Variants in C10orf90 observed in about 807,000 individuals in gnomAD.
C10orf90 encodes the protein (E2-independent) E3 ubiquitin-conjugating enzyme FATS.
Under a neutral mutation model 62.5 loss-of-function variants are expected in C10orf90, and 56 were observed. The ratio of observed to expected loss-of-function variants is 0.90; its 90% confidence interval spans 0.72 to 1.12. The LOEUF is 1.12. Among genes scored for constraint, C10orf90 ranks in the 50% most tolerant of loss-of-function variants. The probability of loss-of-function intolerance (pLI) is 0.00; values close to 1 mark genes in which losing one functional copy is unlikely to be tolerated. For synonymous variants in C10orf90, 386 were observed against 340.4 expected (o/e 1.13, Z -1.47); for missense variants, 970 against 880.4 (o/e 1.10, Z -1.29).
chr10:126,441,509 A>G (rs1858327167), intron 7 of C10orf90, among the ~76,000 whole-genome samples: 1 of 152,188 alleles, frequency 6.6e-6, no homozygotes, highest in Non-Finnish European at 1.5e-5. Flanking sequence ...AGACCTAGAC[A>G]TCCAAGTGCA....
At chr10:126,503,445 C>G (rs934566989) in intron 4 of C10orf90, among the ~76,000 whole-genome samples, 2 of 152,192 alleles carry the variant, frequency 1.3e-5, no homozygotes, top group Non-Finnish European at 2.9e-5. Flanking sequence ...CACGCACACA[C>G]GCACACATTC....
chr10:126,569,131 G>A (rs960744454), intron 2 of C10orf90, among the ~76,000 whole-genome samples: 2 of 152,108 alleles, frequency 1.3e-5, no homozygotes, highest in Non-Finnish European at 2.9e-5. Context: ...AGTAGTGGGG[G>A]GTTTCAGGGA....
At chr10:126,501,773 G>C (rs755308505) in intron 4 of C10orf90, among the ~76,000 whole-genome samples, 6 of 152,110 alleles carry the variant, frequency 3.9e-5, no homozygotes, top group Non-Finnish European at 7.4e-5. Flanking sequence ...CAGCAACTTG[G>C]TTGAAGCTGG....
chr10:126,495,732 A>G (rs1192440117), intron 4 of C10orf90, among the ~76,000 whole-genome samples: 1 of 152,160 alleles, frequency 6.6e-6, no homozygotes, highest in Non-Finnish European at 1.5e-5. Flanking sequence ...AATGAAACAC[A>G]TCATCTATTT....
chr10:126,610,129 T>A (rs1845401522), intron 2 of C10orf90, among the ~76,000 whole-genome samples: 1 of 152,182 alleles, frequency 6.6e-6, no homozygotes, highest in African/African-American at 2.4e-5. Context: ...ATCCACTTCA[T>A]CCTTCACAGG....
intron 2 of C10orf90, among the ~76,000 whole-genome samples, chr10:126,536,800 C>G (rs1011932247): frequency 3.9e-5 from 6 of 152,204 alleles, no homozygotes; most frequent in Non-Finnish European, 8.8e-5. Context: ...GACCTGGCCA[C>G]ACAAGGAGGC....
intron 2 of C10orf90, among the ~76,000 whole-genome samples, chr10:126,562,133 C>T (rs1864915685): frequency 1.3e-5 from 2 of 152,156 alleles, no homozygotes; most frequent in African/African-American, 2.4e-5. Context: ...TTCCTGCCGG[C>T]GTTAGTTTAT....
chr10:126,605,904 C>A (rs1020053576), intron 2 of C10orf90, among the ~76,000 whole-genome samples: 6 of 151,994 alleles, frequency 3.9e-5, no homozygotes, highest in Non-Finnish European at 2.9e-5. Context: ...TACATACATA[C>A]ATACATACAT....
intron 2 of C10orf90, among the ~76,000 whole-genome samples, chr10:126,567,804 G>GC (rs902952016): frequency 6.6e-6 from 1 of 152,138 alleles, no homozygotes; most frequent in South Asian, 2.1e-4. Context: ...GGGGGATGGT[G>GC]CCCCCTCTGA....
At chr10:126,640,080 C>T (rs1846030063) in intron 2 of C10orf90, among the ~76,000 whole-genome samples, 2 of 152,240 alleles carry the variant, frequency 1.3e-5, no homozygotes, top group Non-Finnish European at 2.9e-5. Context: ...AATGCATCCT[C>T]TTATGGCCTC....
At chr10:126,582,975 T>A (rs1260007424) in intron 2 of C10orf90, among the ~76,000 whole-genome samples, 1 of 152,218 alleles carries the variant, frequency 6.6e-6, no homozygotes, top group Non-Finnish European at 1.5e-5. Flanking sequence ...TTGGCACTAT[T>A]GATATTTGGT....
In C10orf90 at chr10:126,456,297, C is replaced by A. The variant is rs1325806668; in HGVS notation, c.2188+2743G>T. Among the ~76,000 whole-genome samples the A allele has an allele frequency of 2.0e-5, 3 of 152,052 alleles. No individual in the cohort carries two copies. Among genetic ancestry groups the A allele is most frequent in the African/African-American group, 7.2e-5 (3 of 41,412 alleles). ...TTTCACTGACCTAACACAAACGAACCCAAAAGTAAAGCTCTCATCGACACA... is the reference window on the plus strand; with the variant it reads ...TTTCACTGACCTAACACAAACGAACACAAAAGTAAAGCTCTCATCGACACA... On this transcript the variant is annotated intron_variant, in intron 7 of 9. Transcript: ENST00000488181. The surrounding 1 kb of genome is among the most constrained non-coding windows in gnomAD (Gnocchi z 4.9).
chr10:126,455,710 C>T (rs1281098446), intron 7 of C10orf90, among the ~76,000 whole-genome samples: 4 of 152,166 alleles, frequency 2.6e-5, no homozygotes, highest in Admixed American at 2.6e-4. Flanking sequence ...GTAGCTATGA[C>T]CTTGATGATG....
chr10:126,484,811 C>G (rs1266666694), intron 4 of C10orf90, among the ~76,000 whole-genome samples: 1 of 152,122 alleles, frequency 6.6e-6, no homozygotes, highest in Non-Finnish European at 1.5e-5. Context: ...AGGAATCAAG[C>G]TAAATACCCA....
intron 2 of C10orf90, among the ~76,000 whole-genome samples, chr10:126,517,816 A>T (rs1863521520): frequency 6.6e-6 from 1 of 150,566 alleles, no homozygotes; most frequent in African/African-American, 2.4e-5. Context: ...AGGCTGAGGC[A>T]GGAGAATCGC....
At chr10:126,631,596 G>T (rs1845851196) in intron 2 of C10orf90, among the ~76,000 whole-genome samples, 1 of 151,932 alleles carries the variant, frequency 6.6e-6, no homozygotes, top group Admixed American at 6.6e-5. Context: ...GCTCAGCATT[G>T]CATGCTCAGT....
chr10:126,515,922 C>A (rs540880943), intron 2 of C10orf90, among the ~76,000 whole-genome samples: 1 of 152,194 alleles, frequency 6.6e-6, no homozygotes, highest in Non-Finnish European at 1.5e-5. Flanking sequence ...TCCAAGATGA[C>A]GTGCACAGAT....
In C10orf90 at chr10:126,453,167, C is replaced by T. The variant is rs1019458873; in HGVS notation, c.2188+5873G>A. ...TTCCAGAGAATTCCATTCCTCTACTCGTGCATGATTTGAATGGCTCTGACT... is the reference window on the plus strand; with the variant it reads ...TTCCAGAGAATTCCATTCCTCTACTTGTGCATGATTTGAATGGCTCTGACT... On this transcript the variant is annotated intron_variant, in intron 7 of 9. Transcript: ENST00000488181. The surrounding 1 kb of genome is among the most constrained non-coding windows in gnomAD (Gnocchi z 4.9). 3.3e-5 allele frequency among the ~76,000 whole-genome samples: 5 copies of T among 152,162 alleles called. No individual in the cohort carries two copies. The highest frequency in any genetic ancestry group is 5.9e-5 in the Non-Finnish European group (4 of 68,026).
At chr10:126,470,540 G>A (rs559063371) in intron 4 of C10orf90, among the ~76,000 whole-genome samples, 2 of 152,010 alleles carry the variant, frequency 1.3e-5, no homozygotes, top group East Asian at 1.9e-4. Flanking sequence ...GCCCAGCCTG[G>A]GCAATATAGT....
Sources: allele counts gnomAD v4.1 joint callset (sites outside exome capture counted in the v4.1 genomes callset), GRCh38; gene constraint gnomAD v4.1.1; non-coding constraint Gnocchi (gnomAD v3.1); transcripts MANE v1.5; gene names NCBI Gene and HGNC (gene_info 2026-07-23, HGNC 2026-07-21).